The following SIL1 variants were observed in gnomAD, a reference collection of about 807,000 sequenced individuals.
SIL1 encodes nucleotide exchange factor SIL1.
Under a neutral mutation model 49.1 loss-of-function variants are expected in SIL1, and 40 were observed. The ratio of observed to expected loss-of-function variants is 0.81; its 90% CI spans 0.63 to 1.06. The LOEUF (loss-of-function observed/expected upper bound fraction) is 1.06. Among genes scored for constraint, SIL1 ranks in the 50% least tolerant of loss-of-function variants. The pLI is 0.00. For missense variants in SIL1, 500 were observed against 572.6 expected, an observed-to-expected ratio of 0.87 and a Z score of 1.29; for synonymous variants, 253 against 250.8, an observed-to-expected ratio of 1.01 and a Z score of -0.08.
intron 7 of SIL1, among the ~76,000 whole-genome samples, chr5:138,952,403 C>T (rs1262880625): frequency 6.6e-6 from 1 of 152,194 alleles, no homozygotes; most frequent in Admixed American, 6.5e-5. Context: ...AAAATGCTTG[C>T]GGGAGAAGGC....
intron 5 of SIL1, among the ~76,000 whole-genome samples, chr5:139,027,896 C>T (rs887357856): frequency 1.3e-5 from 2 of 152,302 alleles, no homozygotes; most frequent in African/African-American, 4.8e-5. Context: ...TCCCCAGTTA[C>T]AAGCACTCCA....
chr5:138,983,647 G>A (rs1301635827), intron 7 of SIL1, among the ~76,000 whole-genome samples: 2 of 151,842 alleles, frequency 1.3e-5, no homozygotes, highest in African/African-American at 2.4e-5. Flanking sequence ...GGAGATTCCC[G>A]TCCAACCACC....
At chr5:139,085,849 G>A (rs1452152912) in intron 3 of SIL1, among the ~76,000 whole-genome samples, 1 of 152,188 alleles carries the variant, frequency 6.6e-6, no homozygotes, top group Non-Finnish European at 1.5e-5. Context: ...GAGGGAGAAA[G>A]TGAAGACAGA....
At chr5:139,123,138 T>C (rs532186961) in intron 2 of SIL1, among the ~76,000 whole-genome samples, 2 of 152,330 alleles carry the variant, frequency 1.3e-5, no homozygotes, top group African/African-American at 2.4e-5. Flanking sequence ...CTATACAATA[T>C]GGCATCATTC....
chr5:138,972,623 G>A lies in SIL1; in HGVS notation c.768-20739C>T, dbSNP rs535757491. Among the ~76,000 whole-genome samples the A allele has an allele frequency of 3.1e-3, 478 of 152,304 alleles. 1 individual carries two copies. The highest frequency in any genetic ancestry group is 0.011 in the African/African-American group (465 of 41,572). On this transcript the variant is annotated intron_variant, in intron 7 of 9. Transcript: ENST00000394817. Reference sequence around the variant, plus strand: ...TGGAACCAAGCACCAGCCAAACCTGGAGAGAACCTCAGAAACTATGACCCC... The same window carrying A: ...TGGAACCAAGCACCAGCCAAACCTGAAGAGAACCTCAGAAACTATGACCCC...
chr5:138,990,582 C>T (rs1016190110), intron 7 of SIL1, among the ~76,000 whole-genome samples: 6 of 152,138 alleles, frequency 3.9e-5, no homozygotes, highest in Admixed American at 3.3e-4. Context: ...AGTCTCCAAC[C>T]ATGCCTGGAT....
intron 7 of SIL1, among the ~76,000 whole-genome samples, chr5:138,975,131 C>T: frequency 6.6e-6 from 1 of 152,158 alleles, no homozygotes; most frequent in Non-Finnish European, 1.5e-5. Flanking sequence ...CTACTCTCAT[C>T]TTGAAATTAC....
chr5:139,126,052 T>C (rs1299453867), intron 2 of SIL1, among the ~76,000 whole-genome samples: 1 of 152,162 alleles, frequency 6.6e-6, no homozygotes, highest in Non-Finnish European at 1.5e-5. Flanking sequence ...GAAAGGATCA[T>C]AACCACCTCC....
chr5:139,056,721 C>CTG (rs1769449784), intron 3 of SIL1, among the ~76,000 whole-genome samples: 2 of 151,410 alleles, frequency 1.3e-5, no homozygotes, highest in South Asian at 4.2e-4. Flanking sequence ...GCCCGGCCAG[C>CTG]CGCCCCGCCC....
chr5:139,099,455 T>A (rs904764280), intron 3 of SIL1, among the ~76,000 whole-genome samples: 2 of 152,208 alleles, frequency 1.3e-5, no homozygotes, highest in Non-Finnish European at 1.5e-5. Flanking sequence ...GAAATCAGTA[T>A]ATCAAAGAGA....
intron 1 of SIL1, among the ~76,000 whole-genome samples, chr5:139,143,544 G>A (rs1751135654): frequency 1.3e-5 from 2 of 151,628 alleles, no homozygotes. Flanking sequence ...CTAAGTTTTT[G>A]TATTTTTAGT....
chr5:139,041,505 A>G (rs1396339099), intron 5 of SIL1, among the ~76,000 whole-genome samples: 2 of 152,146 alleles, frequency 1.3e-5, no homozygotes, highest in African/African-American at 4.8e-5. Context: ...GTGAAGAGGT[A>G]AATAAAGGCA....
rs1167965458 is a variant in SIL1, at chr5:138,956,794, TAAC to T, written c.768-4913_768-4911del. Among the ~76,000 whole-genome samples, 29 of 149,170 alleles carry T rather than the reference TAAC, an allele frequency of 1.9e-4. No individual in the cohort carries two copies. In the East Asian group the frequency reaches 3.3e-3, roughly 17 times the overall value. On this transcript the variant is annotated intron_variant, in intron 7 of 9. Coordinates refer to ENST00000394817, the MANE Select transcript of SIL1 (RefSeq NM_022464.5). ...GAATTGAATAAAAATGGAATAGGTTTAACAACAACAACAACAAAAAACAAAAAA... is the reference window on the plus strand; with the variant it reads ...GAATTGAATAAAAATGGAATAGGTTTAACAACAACAACAAAAAACAAAAAA...
At chr5:138,981,570 G>A (rs903003665) in intron 7 of SIL1, among the ~76,000 whole-genome samples, 1 of 152,206 alleles carries the variant, frequency 6.6e-6, no homozygotes, top group African/African-American at 2.4e-5. Context: ...GCCCACTCCT[G>A]ATACACATGC....
At chr5:139,049,852 A>G (rs1769249245) in intron 4 of SIL1, among the ~76,000 whole-genome samples, 1 of 151,900 alleles carries the variant, frequency 6.6e-6, no homozygotes, top group Non-Finnish European at 1.5e-5. Flanking sequence ...AACACTAACC[A>G]CACTCAATCC....
intron 1 of SIL1, among the ~76,000 whole-genome samples, chr5:139,144,891 A>C (rs1751163702): frequency 6.6e-6 from 1 of 152,180 alleles, no homozygotes; most frequent in Admixed American, 6.5e-5. Flanking sequence ...AGTTAAAACT[A>C]TACAGTTCTT....
chr5:139,101,124 A>T (rs1207510656), intron 3 of SIL1, among the ~76,000 whole-genome samples: 1 of 152,038 alleles, frequency 6.6e-6, no homozygotes, highest in African/African-American at 2.4e-5. Flanking sequence ...TTTCTCATCC[A>T]CTGTGTACCT....
At chr5:139,023,381 G>A (rs1476824033) in intron 6 of SIL1, among the ~76,000 whole-genome samples, 1 of 151,822 alleles carries the variant, frequency 6.6e-6, no homozygotes, top group East Asian at 1.9e-4. Flanking sequence ...AGGGAACTAT[G>A]CCAACACCCT....
At chr5:139,124,611 C>T (rs2151795120) in intron 2 of SIL1, among the ~76,000 whole-genome samples, 1 of 152,268 alleles carries the variant, frequency 6.6e-6, no homozygotes, top group South Asian at 2.1e-4. Flanking sequence ...GCTCAGAAGC[C>T]TTGAGAGAGG....
Sources: gnomAD v4.1 joint callset for allele counts (sites outside exome capture counted in the v4.1 genomes callset) on GRCh38, gnomAD v4.1.1 for gene constraint, MANE v1.5 for transcripts, NCBI Gene and HGNC (gene_info 2026-07-23, HGNC 2026-07-21) for gene names.